Variants in SAP130 observed in about 807,000 individuals in gnomAD.
The protein encoded by SAP130 is Sin3A associated protein 130.
In SAP130, 16 loss-of-function variants were observed where a neutral mutation model predicts 103.2. That is an observed-to-expected ratio of 0.16 (90% CI 0.10 to 0.24). The LOEUF (loss-of-function observed/expected upper bound fraction) is 0.24. Among genes scored for constraint, SAP130 ranks in the 10% least tolerant of loss-of-function variants. The pLI, the probability that SAP130 is intolerant of heterozygous loss-of-function variation, is 1.00. For synonymous variants in SAP130, 477 were observed against 497.0 expected (o/e 0.96, Z 0.53); for missense variants, 990 against 1,359.7 (o/e 0.73, Z 4.28).
At position 127,996,470 on chromosome 2, in the gene SAP130, A is replaced by T; in HGVS notation, c.1235T>A (p.Ile412Asn). The change falls in exon 11 of 21, where the codon ATC becomes AAC. Residue 412 changes from isoleucine (I) to asparagine (N), a missense_variant. By Grantham distance (149) the Ile-to-Asn change is moderately radical (BLOSUM62 -3). This residue lies in a region of SAP130 where 336 missense variants were observed against 520.1 expected (regional missense o/e 0.65). Transcript: ENST00000643581. The surrounding 1 kb of genome is among the most constrained non-coding windows in gnomAD (Gnocchi z 4.3). ...CTGGATCCGAGGAGAAGTGTGCGTG[A>T]TCTGCTGGGGCACCACCTTGGCTGC... Reference protein sequence around the residue: ...IPVAKVVPQQITHTSPRIQPD... With the variant: ...IPVAKVVPQQNTHTSPRIQPD... 1 of 1,587,122 alleles carries T rather than the reference A, an allele frequency of 6.3e-7. No individual in the cohort carries two copies. The highest frequency in any genetic ancestry group is 8.6e-7 in the Non-Finnish European group (1 of 1,165,914).
chr2:127,959,473 T>A (rs1281458016), intron 15 of SAP130, among the ~76,000 whole-genome samples: 2 of 152,196 alleles, frequency 1.3e-5, no homozygotes, highest in African/African-American at 2.4e-5. Context: ...CTCCTCCCCA[T>A]CCCACTACTC....
At position 128,010,231 on chromosome 2, in the gene SAP130, T is replaced by C. The variant is rs183003069; in HGVS notation, c.869+38A>G. ...AAGAAAAAAGAGTGAAGGAGGAGGA[T>C]GGCAGGAAGGTTCAAACTTCATACT... is the stretch of plus-strand genomic sequence containing the variant. On this transcript the variant is annotated intron_variant, in intron 7 of 20. Coordinates refer to ENST00000643581, the MANE Select transcript of SAP130 (RefSeq NM_001330301.2). The C allele has an allele frequency of 8.2e-6, 13 of 1,585,454 alleles. No individual in the cohort carries two copies. The African/African-American group carries it at 1.1e-4, about 13-fold the overall frequency.
intron 11 of SAP130, among the ~76,000 whole-genome samples, chr2:127,995,248 A>C (rs1683092475): frequency 6.6e-6 from 1 of 152,252 alleles, no homozygotes; most frequent in African/African-American, 2.4e-5. Flanking sequence ...TTTGTAAATG[A>C]CAAGGGGCTC....
chr2:128,024,768 T>A (rs1685388933), intron 2 of SAP130, among the ~76,000 whole-genome samples: 1 of 150,958 alleles, frequency 6.6e-6, no homozygotes, highest in South Asian at 2.1e-4. Context: ...TAATCCCAGC[T>A]ACTCAGAGGC....
intron 15 of SAP130, among the ~76,000 whole-genome samples, chr2:127,959,809 T>C (rs571386171): frequency 3.3e-5 from 5 of 152,080 alleles, no homozygotes; most frequent in South Asian, 2.1e-4. Flanking sequence ...ATCAAAAAGA[T>C]AGAAAAAACT....
intron 2 of SAP130, among the ~76,000 whole-genome samples, chr2:128,024,117 C>T (rs1031182292): frequency 3.9e-5 from 6 of 152,096 alleles, no homozygotes; most frequent in African/African-American, 7.2e-5. Context: ...TAGATACCAT[C>T]GAGCAGGAGT....
chr2:127,997,014 G>A (rs1425134513), intron 10 of SAP130, among the ~76,000 whole-genome samples: 1 of 152,168 alleles, frequency 6.6e-6, no homozygotes, highest in African/African-American at 2.4e-5. Flanking sequence ...ATTATAAAAT[G>A]TAGCTAATTA....
At chr2:128,013,676 C>A (rs1684560321) in intron 5 of SAP130, among the ~76,000 whole-genome samples, 1 of 152,216 alleles carries the variant, frequency 6.6e-6, no homozygotes, top group Non-Finnish European at 1.5e-5. Flanking sequence ...ATTTTGCCAA[C>A]AATCTCCAAT....
intron 2 of SAP130, among the ~76,000 whole-genome samples, chr2:128,024,782 G>A (rs1685389986): frequency 6.6e-6 from 1 of 151,724 alleles, no homozygotes; most frequent in South Asian, 2.1e-4. Context: ...CAGAGGCTGA[G>A]GCACAAGAAT....
At chr2:127,966,571 C>T (rs1452776813) in intron 15 of SAP130, among the ~76,000 whole-genome samples, 3 of 151,954 alleles carry the variant, frequency 2.0e-5, no homozygotes, top group Non-Finnish European at 2.9e-5. Context: ...GATGTGGTGG[C>T]GCATGCTTGT....
intron 2 of SAP130, among the ~76,000 whole-genome samples, chr2:128,024,749 G>A (rs1424586434): frequency 1.3e-5 from 2 of 150,582 alleles, no homozygotes; most frequent in African/African-American, 2.4e-5. Context: ...GCATGGTAGC[G>A]CATGCCTGTA....
chr2:128,000,175 T>C (rs780323985), intron 8 of SAP130, 29 bp from the exon 9 acceptor site: 2 of 1,611,596 alleles, frequency 1.2e-6, no homozygotes, highest in Non-Finnish European at 1.7e-6. Flanking sequence ...AACACAGTTA[T>C]AAGAACATTA....
chr2:127,963,692 G>T (rs949076913), intron 15 of SAP130, among the ~76,000 whole-genome samples: 12 of 152,264 alleles, frequency 7.9e-5, no homozygotes, highest in Middle Eastern at 3.4e-3. Context: ...AATCACGGGG[G>T]CGGGTCTTTC....
chr2:127,991,345 A>AT (rs914320913), intron 12 of SAP130, among the ~76,000 whole-genome samples: 6 of 151,876 alleles, frequency 4.0e-5, no homozygotes, highest in Non-Finnish European at 5.9e-5. Flanking sequence ...ATTAATAAAC[A>AT]TTTTTTTTGG....
intron 14 of SAP130, among the ~76,000 whole-genome samples, chr2:127,982,909 G>A (rs1420306122): frequency 6.6e-6 from 1 of 152,160 alleles, no homozygotes; most frequent in Non-Finnish European, 1.5e-5. Flanking sequence ...TCCATTGGGA[G>A]GGAGGTGGGA....
rs139522121 is a variant in SAP130, at chr2:127,994,476, C to G, written c.1356-1168G>C. Among the ~76,000 whole-genome samples the G allele has an allele frequency of 6.8e-4, 103 of 152,322 alleles. 1 individual carries two copies. Among genetic ancestry groups the G allele is most frequent in the African/African-American group, 2.3e-3 (96 of 41,572 alleles). ...GTGTGGTGGCACACGCCTATAATCCCAGTTACTCAGGAGGCTGAGGTATGA... is the reference window on the plus strand; with the variant it reads ...GTGTGGTGGCACACGCCTATAATCCGAGTTACTCAGGAGGCTGAGGTATGA... On this transcript the variant is annotated intron_variant, in intron 11 of 20. Coordinates refer to ENST00000643581, the MANE Select transcript of SAP130 (RefSeq NM_001330301.2).
chr2:128,017,792 T>C lies in SAP130; in HGVS notation c.236A>G (p.Gln79Arg), dbSNP rs1033091215. Residue 79 changes from glutamine to arginine, a missense_variant, in exon 3 of 21, where the codon CAG (glutamine) becomes CGG (arginine). Gln to Arg is a conservative substitution (Grantham distance 43, BLOSUM62 1). Coordinates refer to ENST00000643581, the MANE Select transcript of SAP130 (RefSeq NM_001330301.2). ...GACAGCATGGTGTGTCGACAACATC[T>C]GCACCTGTGGATAGGGCCTTACCAC... is the stretch of plus-strand genomic sequence containing the variant. Reference protein sequence around the residue: ...PVVVRPYPQVQMLSTHHAVAS... With the variant: ...PVVVRPYPQVRMLSTHHAVAS... 2.5e-6 allele frequency: 4 copies of C among 1,614,260 alleles called. No homozygotes were observed. Among genetic ancestry groups the C allele is most frequent in the Non-Finnish European group, 3.4e-6 (4 of 1,180,048 alleles).
intron 7 of SAP130, among the ~76,000 whole-genome samples, chr2:128,006,176 C>T (rs1444134130): frequency 6.6e-6 from 1 of 150,448 alleles, no homozygotes; most frequent in Non-Finnish European, 1.5e-5. Context: ...AATATAGAAA[C>T]AATAAAACAC....
At chr2:127,975,093 T>G (rs1681366033) in intron 15 of SAP130, among the ~76,000 whole-genome samples, 2 of 152,152 alleles carry the variant, frequency 1.3e-5, no homozygotes, top group African/African-American at 4.8e-5. Context: ...CAAATCACCA[T>G]GTAACTAACA....
Sources: gnomAD v4.1 joint callset for allele counts (sites outside exome capture counted in the v4.1 genomes callset) on GRCh38, gnomAD v4.1.1 for gene constraint, gnomAD v4.1.1 regional missense constraint, Gnocchi (gnomAD v3.1) non-coding constraint, MANE v1.5 for transcripts, NCBI Gene and HGNC (gene_info 2026-07-23, HGNC 2026-07-21) for gene names.